DNAJC1: variants seen among roughly 807,000 people sequenced by gnomAD.
The protein encoded by DNAJC1 is DnaJ heat shock protein family (Hsp40) member C1, also known as dnaJ homolog subfamily C member 1.
Under a neutral mutation model 76.6 loss-of-function variants are expected in DNAJC1, and 58 were observed. That is an observed-to-expected ratio of 0.76 (90% CI 0.61 to 0.94). The LOEUF (loss-of-function observed/expected upper bound fraction) is 0.94. Among genes scored for constraint, DNAJC1 ranks in the 40% least tolerant of loss-of-function variants. The pLI is 0.00. For missense variants in DNAJC1, 689 were observed against 677.3 expected (o/e 1.02, Z -0.19); for synonymous variants, 258 against 267.9 (o/e 0.96, Z 0.36).
rs1838566813 is a variant in DNAJC1, at chr10:22,003,646, G to C, written c.-212C>G. On this transcript the variant is annotated 5_prime_UTR_variant, in exon 1 of 12. Coordinates refer to ENST00000376980, the MANE Select transcript of DNAJC1 (RefSeq NM_022365.4). The stretch of plus-strand genomic sequence containing the variant: ...GGCGGGTGGGTAGGCGGGCGGGGCC[G>C]CAGCCAGCGCTACGTTCCGAAGACC... 4.4e-6 allele frequency: 2 copies of C among 458,462 alleles called. No homozygotes were observed. The highest frequency in any genetic ancestry group is 1.5e-4 in the South Asian group (2 of 13,152). 28.4% of individuals were successfully genotyped at this position (458,462 alleles called of 1,614,324 possible).
At chr10:21,857,095 T>C (rs1835847071) in intron 8 of DNAJC1, among the ~76,000 whole-genome samples, 1 of 152,176 alleles carries the variant, frequency 6.6e-6, no homozygotes, top group East Asian at 1.9e-4. Flanking sequence ...GAATACTCCA[T>C]AATACAATTA....
chr10:21,833,211 C>T (rs759882893), intron 8 of DNAJC1, among the ~76,000 whole-genome samples: 1 of 152,202 alleles, frequency 6.6e-6, no homozygotes, highest in South Asian at 2.1e-4. Context: ...GTGGCTCAGG[C>T]CTCTAATCCC....
intron 8 of DNAJC1, among the ~76,000 whole-genome samples, chr10:21,814,358 T>C (rs1385529536): frequency 6.6e-6 from 1 of 152,226 alleles, no homozygotes; most frequent in Non-Finnish European, 1.5e-5. Flanking sequence ...TCTGTACCAC[T>C]GTAACAAGTA....
At chr10:21,855,397 T>C (rs917718353) in intron 8 of DNAJC1, among the ~76,000 whole-genome samples, 6 of 152,198 alleles carry the variant, frequency 3.9e-5, no homozygotes, top group Admixed American at 6.5e-5. Flanking sequence ...ACTTTACTTA[T>C]GTGATAAATA....
chr10:21,973,603 G>T (rs1257950013), intron 1 of DNAJC1, among the ~76,000 whole-genome samples: 1 of 152,064 alleles, frequency 6.6e-6, no homozygotes, highest in Non-Finnish European at 1.5e-5. Flanking sequence ...ATATGCAGTT[G>T]TACCTGAAGT....
chr10:21,770,095 A>G (rs915452466), intron 9 of DNAJC1, among the ~76,000 whole-genome samples: 24 of 151,890 alleles, frequency 1.6e-4, no homozygotes, highest in Non-Finnish European at 1.2e-4. Context: ...CCATTTTTGG[A>G]TTTTTTCTCT....
chr10:21,825,072 C>T (rs758996806), intron 8 of DNAJC1, among the ~76,000 whole-genome samples: 5 of 152,060 alleles, frequency 3.3e-5, no homozygotes, highest in South Asian at 2.1e-4. Context: ...CTGCCACGCC[C>T]GGCCAACTAT....
chr10:21,919,683 A>G (rs1434092279), intron 5 of DNAJC1, 149 bp downstream of exon 5: 9 of 520,742 alleles, frequency 1.7e-5, no homozygotes, highest in Non-Finnish European at 2.6e-5. Flanking sequence ...AACTTGTCTC[A>G]TAAACAATGG....
chr10:21,915,016 G>C (rs1836929221), intron 6 of DNAJC1, among the ~76,000 whole-genome samples: 1 of 152,136 alleles, frequency 6.6e-6, no homozygotes, highest in Admixed American at 6.6e-5. Flanking sequence ...TGACATTAAG[G>C]TCCTAGAGAA....
chr10:21,949,162 T>G (rs1403748300), intron 1 of DNAJC1, among the ~76,000 whole-genome samples: 1 of 152,196 alleles, frequency 6.6e-6, no homozygotes, highest in African/African-American at 2.4e-5. Context: ...GAAATAACTG[T>G]ACCTAACCAG....
chr10:21,977,259 AAC>A (rs908802350), intron 1 of DNAJC1, among the ~76,000 whole-genome samples: 8 of 151,816 alleles, frequency 5.3e-5, no homozygotes, highest in South Asian at 4.2e-4. Context: ...AAATGAAAAA[AAC>A]ACACACACAC....
chr10:21,837,537 G>A (rs1001177639), intron 8 of DNAJC1, among the ~76,000 whole-genome samples: 1 of 151,880 alleles, frequency 6.6e-6, no homozygotes, highest in Non-Finnish European at 1.5e-5. Context: ...CGTCTGGGAT[G>A]TGAGGTGCGC....
intron 8 of DNAJC1, among the ~76,000 whole-genome samples, chr10:21,839,803 G>T (rs1329190233): frequency 6.6e-6 from 1 of 152,158 alleles, no homozygotes; most frequent in Non-Finnish European, 1.5e-5. Flanking sequence ...AACAAAAAAA[G>T]AGAATTTTAG....
chr10:21,825,299 T>C (rs1217669965), intron 8 of DNAJC1, among the ~76,000 whole-genome samples: 1 of 152,250 alleles, frequency 6.6e-6, no homozygotes, highest in Admixed American at 6.5e-5. Context: ...TTCATAAACA[T>C]GGAATTATAT....
intron 1 of DNAJC1, 122 bp downstream of exon 1, chr10:22,003,091 G>A (rs542055928): frequency 2.3e-6 from 3 of 1,329,364 alleles, no homozygotes; most frequent in South Asian, 2.2e-5. Flanking sequence ...CCCGAGCTGA[G>A]GGCAGCCAGA....
intron 1 of DNAJC1, among the ~76,000 whole-genome samples, chr10:21,986,119 CG>C (rs1365121813): frequency 6.6e-6 from 1 of 151,950 alleles, no homozygotes; most frequent in Non-Finnish European, 1.5e-5. Flanking sequence ...CCCAGCTACT[CG>C]GGAGGCTGAG....
chr10:21,952,546 C>T (rs1021648686), intron 1 of DNAJC1, among the ~76,000 whole-genome samples: 6 of 152,054 alleles, frequency 3.9e-5, no homozygotes, highest in Non-Finnish European at 7.4e-5. Flanking sequence ...CACCTGGGGT[C>T]GGGAGTTCGT....
chr10:21,989,713 A>AC (rs1005980705), intron 1 of DNAJC1, among the ~76,000 whole-genome samples: 4 of 152,174 alleles, frequency 2.6e-5, no homozygotes, highest in African/African-American at 9.7e-5. Context: ...CACAGTCCAG[A>AC]CCAGGCCAAG....
chr10:21,995,176 T>C (rs549398388), intron 1 of DNAJC1, among the ~76,000 whole-genome samples: 1 of 152,260 alleles, frequency 6.6e-6, no homozygotes, highest in East Asian at 1.9e-4. Context: ...TTCCTTAACC[T>C]GACCTGTTTT....
Sources: gnomAD v4.1 joint callset for allele counts (sites outside exome capture counted in the v4.1 genomes callset) on GRCh38, gnomAD v4.1.1 for gene constraint, MANE v1.5 for transcripts, NCBI Gene and HGNC (gene_info 2026-07-23, HGNC 2026-07-21) for gene names.